C12orf42: variants seen among roughly 807,000 people sequenced by gnomAD.
C12orf42 encodes chromosome 12 open reading frame 42, also known as uncharacterized protein C12orf42.
Under a neutral mutation model 21.6 loss-of-function variants are expected in C12orf42, and 25 were observed. That is an observed-to-expected ratio of 1.16 (90% CI 0.84 to 1.62). The LOEUF is 1.62. C12orf42 is among the 40% of genes most tolerant of loss of function. The pLI is 0.00. For synonymous variants in C12orf42, 174 were observed against 175.0 expected (o/e 0.99, Z 0.05); for missense variants, 483 against 459.3 (o/e 1.05, Z -0.47).
chr12:103,393,583 T>A (rs551795390), intron 3 of C12orf42, among the ~76,000 whole-genome samples: 1 of 152,312 alleles, frequency 6.6e-6, no homozygotes, highest in African/African-American at 2.4e-5. Context: ...CGTTCCCTTA[T>A]CCTGCTTTTT....
exon 7 of C12orf42, chr12:103,268,560 A>G (rs911998013): frequency 2.6e-5 from 4 of 151,940 alleles, no homozygotes; most frequent in African/African-American, 9.7e-5. Context: ...GTGACTGTTG[A>G]ATCACAAATC....
the C12orf42 span, among the ~76,000 whole-genome samples, chr12:103,169,972 T>C: frequency 1.3e-5 from 2 of 152,044 alleles, no homozygotes. Context: ...TGACATTGAA[T>C]AAAGTATGTT....
chr12:103,457,383 T>C (rs1952373531), intron 2 of C12orf42, among the ~76,000 whole-genome samples: 1 of 152,172 alleles, frequency 6.6e-6, no homozygotes. Context: ...TCTTTTTCCA[T>C]GTTTATACCC....
chr12:103,439,188 G>C (rs1301903742), intron 2 of C12orf42, among the ~76,000 whole-genome samples: 2 of 151,118 alleles, frequency 1.3e-5, no homozygotes, highest in Non-Finnish European at 3.0e-5. Flanking sequence ...ATGGTGCTGG[G>C]AAAACTGGCT....
intron 2 of C12orf42, among the ~76,000 whole-genome samples, chr12:103,421,726 T>C (rs1360805304): frequency 2.0e-5 from 3 of 152,206 alleles, no homozygotes; most frequent in East Asian, 3.8e-4. Context: ...ACAACTGTTA[T>C]GAAACATACC....
intron 4 of C12orf42, among the ~76,000 whole-genome samples, chr12:103,289,330 A>G (rs2036654163): frequency 6.6e-6 from 1 of 151,972 alleles, no homozygotes; most frequent in Admixed American, 6.6e-5. Flanking sequence ...TCTAACTAAT[A>G]TTATCATTTT....
chr12:103,322,107 G>A (rs967367850), intron 4 of C12orf42, among the ~76,000 whole-genome samples: 23 of 129,612 alleles, frequency 1.8e-4, no homozygotes, highest in East Asian at 8.3e-4. Context: ...GTGCACGCGC[G>A]TGCGTGCGCG....
intron 5 of C12orf42, among the ~76,000 whole-genome samples, chr12:103,275,740 ATTTTT>A (rs202030025): frequency 7.2e-6 from 1 of 139,748 alleles, no homozygotes; most frequent in African/African-American, 2.6e-5. Flanking sequence ...ATCAAGTAGG[ATTTTT>A]TTTTTTTTTT....
At chr12:103,209,113 T>C in the C12orf42 span, among the ~76,000 whole-genome samples, 1 of 152,128 alleles carries the variant, frequency 6.6e-6, no homozygotes, top group African/African-American at 2.4e-5. Flanking sequence ...CCAATGTGGT[T>C]TGGGAGTGAG....
the C12orf42 span, among the ~76,000 whole-genome samples, chr12:103,216,540 A>AT: frequency 4.0e-5 from 6 of 150,560 alleles, no homozygotes; most frequent in East Asian, 5.9e-4. Context: ...CGCCTGGCTA[A>AT]TTTTTTTTTG....
chr12:103,227,618 A>T, the C12orf42 span, among the ~76,000 whole-genome samples: 2 of 151,980 alleles, frequency 1.3e-5, no homozygotes, highest in Non-Finnish European at 2.9e-5. Context: ...ACAAGGAGAG[A>T]AGGGGTTGGG....
At chr12:103,128,850 A>C in the C12orf42 span, among the ~76,000 whole-genome samples, 1 of 152,184 alleles carries the variant, frequency 6.6e-6, no homozygotes, top group Non-Finnish European at 1.5e-5. Flanking sequence ...TATTTCTACA[A>C]ATGAATTACT....
rs200719141 is a variant in C12orf42 at position 103,462,273 on chromosome 12, A to T, written c.78+16076T>A. 2.7e-4 allele frequency among the ~76,000 whole-genome samples: 41 copies of T among 151,074 alleles called. 4 individuals carry two copies. Among genetic ancestry groups the T allele is most frequent in the Admixed American group, 2.0e-3 (30 of 15,136 alleles). On this transcript the variant is annotated intron_variant, in intron 2 of 5. Coordinates refer to ENST00000548883, the MANE Select transcript of C12orf42 (RefSeq NM_198521.5). ...CAGGCATGCGCCACCACATCCGGCTAATTTTTTTGTATTTTTTAATACAGA... is the reference window on the plus strand; with the variant it reads ...CAGGCATGCGCCACCACATCCGGCTTATTTTTTTGTATTTTTTAATACAGA...
intron 2 of C12orf42, chr12:103,476,986 A>G (rs1359887334): frequency 1.3e-5 from 2 of 152,166 alleles, no homozygotes; most frequent in Non-Finnish European, 2.9e-5. Context: ...AATTATAGAG[A>G]TTTCACTGTG....
chr12:103,341,970 A>G (rs1177376452), intron 4 of C12orf42, among the ~76,000 whole-genome samples: 2 of 152,174 alleles, frequency 1.3e-5, no homozygotes, highest in Admixed American at 6.5e-5. Context: ...TTCTACATCT[A>G]TGTATAGCTT....
In C12orf42 at chr12:103,341,136, G is replaced by A. The variant is rs1207673532; in HGVS notation, c.259+27751C>T. On this transcript the variant is annotated intron_variant, in intron 4 of 5. Transcript: ENST00000548883. ...TCAAAAAAAAAAAAAAAAAAAAAAA[G>A]ACACCACAATAAAAATTATCCAAAA... is the stretch of plus-strand genomic sequence containing the variant. 5.9e-3 allele frequency among the ~76,000 whole-genome samples: 576 copies of A among 97,734 alleles called. 4 individuals carry two copies. Among genetic ancestry groups the A allele is most frequent in the African/African-American group, 0.022 (481 of 21,912 alleles). 64.1% of individuals were successfully genotyped at this position (97,734 alleles called of 152,430 possible). A position where few individuals can be genotyped will look rare whatever the true frequency, so the allele number is the denominator to read the frequency against.
At chr12:103,122,013 C>T in the C12orf42 span, among the ~76,000 whole-genome samples, 1 of 152,074 alleles carries the variant, frequency 6.6e-6, no homozygotes, top group African/African-American at 2.4e-5. Flanking sequence ...TCAAGGTAGC[C>T]ATGGCACTAT....
the C12orf42 span, among the ~76,000 whole-genome samples, chr12:103,195,380 G>C: frequency 8.6e-5 from 13 of 151,986 alleles, no homozygotes; most frequent in Admixed American, 2.6e-4. Flanking sequence ...ACTGCTTTCC[G>C]GAGTGGCTGA....
chr12:103,541,354 T>C, the C12orf42 span, among the ~76,000 whole-genome samples: 3 of 152,242 alleles, frequency 2.0e-5, no homozygotes, highest in Non-Finnish European at 4.4e-5. Context: ...CTCCCCATAA[T>C]GACATTTTGG....
Sources: gnomAD v4.1 joint callset for allele counts (sites outside exome capture counted in the v4.1 genomes callset) on GRCh38, gnomAD v4.1.1 for gene constraint, MANE v1.5 for transcripts, NCBI Gene and HGNC (gene_info 2026-07-23, HGNC 2026-07-21) for gene names.